PTPRG: variants seen among roughly 807,000 people sequenced by gnomAD.
PTPRG encodes the protein receptor-type tyrosine-protein phosphatase gamma.
Under a neutral mutation model 165.3 loss-of-function variants are expected in PTPRG, and 102 were observed. The observed-to-expected ratio is 0.62, with a 90% confidence interval of 0.53 to 0.73. PTPRG has a LOEUF of 0.73. Ranked by LOEUF, PTPRG falls within the 30% of genes least tolerant of loss-of-function variation. The pLI, the probability that PTPRG is intolerant of heterozygous loss-of-function variation, is 0.00. For synonymous variants in PTPRG, 675 were observed against 669.5 expected (o/e 1.01, Z -0.13); for missense variants, 1,866 against 1,861.4 (o/e 1.00, Z -0.05).
intron 4 of PTPRG, among the ~76,000 whole-genome samples, chr3:62,030,961 T>G (rs969815849): frequency 6.6e-6 from 1 of 152,226 alleles, no homozygotes; most frequent in Non-Finnish European, 1.5e-5. Context: ...TTTGTTGGTG[T>G]AAACCAATTG....
intron 2 of PTPRG, among the ~76,000 whole-genome samples, chr3:61,764,480 TGTA>T (rs1166508709): frequency 6.6e-6 from 1 of 152,118 alleles, no homozygotes; most frequent in African/African-American, 2.4e-5. Flanking sequence ...CAAAGTAACA[TGTA>T]GTATCATCAC....
At chr3:62,200,362 C>T (rs1700069157) in intron 10 of PTPRG, among the ~76,000 whole-genome samples, 1 of 152,100 alleles carries the variant, frequency 6.6e-6, no homozygotes, top group South Asian at 2.1e-4. Flanking sequence ...CCTCCACCTC[C>T]CGGATTCAAG....
At chr3:61,809,911 G>GT (rs1200831512) in intron 2 of PTPRG, among the ~76,000 whole-genome samples, 5 of 152,178 alleles carry the variant, frequency 3.3e-5, no homozygotes, top group African/African-American at 4.8e-5. Flanking sequence ...CCCAGCTCCT[G>GT]TATCAGGGAG....
chr3:62,136,441 G>A (rs1175562025), intron 6 of PTPRG, among the ~76,000 whole-genome samples: 5 of 152,206 alleles, frequency 3.3e-5, no homozygotes, highest in African/African-American at 1.2e-4. Flanking sequence ...GAAGGTGTCT[G>A]TTGGTAAGAG....
intron 2 of PTPRG, among the ~76,000 whole-genome samples, chr3:61,966,786 G>A (rs1050592211): frequency 1.3e-5 from 2 of 152,132 alleles, no homozygotes; most frequent in Admixed American, 6.5e-5. Flanking sequence ...GGGTAGAAGC[G>A]GATCTAGTTG....
intron 5 of PTPRG, among the ~76,000 whole-genome samples, chr3:62,094,802 A>C (rs1702054613): frequency 6.6e-6 from 1 of 152,084 alleles, no homozygotes; most frequent in South Asian, 2.1e-4. Flanking sequence ...AGGCTGATGG[A>C]CCCCTCAGCT....
intron 1 of PTPRG, among the ~76,000 whole-genome samples, chr3:61,718,247 A>G (rs988803702): frequency 2.0e-5 from 3 of 151,830 alleles, no homozygotes; most frequent in Admixed American, 1.3e-4. Context: ...TCAGAGAACC[A>G]AGACAGATTT....
chr3:61,935,765 A>G (rs2039471077), intron 2 of PTPRG, among the ~76,000 whole-genome samples: 1 of 150,936 alleles, frequency 6.6e-6, no homozygotes, highest in African/African-American at 2.4e-5. Flanking sequence ...TCATATATAT[A>G]AAGTATGTAT....
intron 6 of PTPRG, among the ~76,000 whole-genome samples, chr3:62,152,499 G>A (rs1704373978): frequency 6.6e-6 from 1 of 152,172 alleles, no homozygotes; most frequent in South Asian, 2.1e-4. Flanking sequence ...GCTTAAGCTG[G>A]CATCAGTGGA....
intron 2 of PTPRG, among the ~76,000 whole-genome samples, chr3:61,931,533 G>A (rs563696041): frequency 1.3e-5 from 2 of 152,138 alleles, no homozygotes; most frequent in Non-Finnish European, 2.9e-5. Context: ...GCTGGCGAGG[G>A]ACTGTGTGTC....
rs1165232876 is a variant in PTPRG at position 62,219,718 on chromosome 3, A to G, written c.2288+735A>G. On this transcript the variant is annotated intron_variant, in intron 13 of 29. Transcript: ENST00000474889. The surrounding 1 kb of genome is among the most constrained non-coding windows in gnomAD (Gnocchi z 4.5). ...GCTTCACCAGTGAGAAACAGGTGTCATATTTTCATCTCTCCCTCCCTTCTT... is the reference window on the plus strand; with the variant it reads ...GCTTCACCAGTGAGAAACAGGTGTCGTATTTTCATCTCTCCCTCCCTTCTT... Among the ~76,000 whole-genome samples, 4 of 152,210 alleles carry G rather than the reference A, an allele frequency of 2.6e-5. No individual in the cohort carries two copies. Among genetic ancestry groups the G allele is most frequent in the African/African-American group, 9.6e-5 (4 of 41,456 alleles).
At position 62,269,058 on chromosome 3, in the gene PTPRG, A is replaced by C. The variant is rs1312450207; in HGVS notation, c.2898A>C (p.Pro966=). The change falls in exon 20 of 30, where the codon CCA becomes CCC. Residue 966 remains proline, a synonymous_variant. Transcript: ENST00000474889. ...AGCGAAAATGTGATCAGTATTGGCCAACAGAGAACAGTGAGGAATATGGAA... is the reference window on the plus strand; with the variant it reads ...AGCGAAAATGTGATCAGTATTGGCCCACAGAGAACAGTGAGGAATATGGAA... ...KGRRKCDQYW[P]TENSEEYGNI... is the part of the protein sequence containing the mutation. 3.1e-6 allele frequency: 5 copies of C among 1,599,458 alleles called. No individual in the cohort carries two copies. The highest frequency in any genetic ancestry group is 3.4e-6 in the Non-Finnish European group (4 of 1,169,002).
chr3:61,635,787 A>G (rs1701893126), intron 1 of PTPRG, among the ~76,000 whole-genome samples: 1 of 152,120 alleles, frequency 6.6e-6, no homozygotes. Context: ...GTACTCTTGA[A>G]CATTTTCTAA....
rs1013771589 is a variant in PTPRG, at chr3:62,222,159, A to C, written c.2288+3176A>C. Among the ~76,000 whole-genome samples, 2 of 152,210 alleles carry C rather than the reference A, an allele frequency of 1.3e-5. No homozygotes were observed. The highest frequency in any genetic ancestry group is 4.8e-5 in the African/African-American group (2 of 41,458). On this transcript the variant is annotated intron_variant, in intron 13 of 29. Coordinates refer to ENST00000474889, the MANE Select transcript of PTPRG (RefSeq NM_002841.4). This position sits in a 1 kb window ranked among gnomAD's most constrained non-coding sequence, Gnocchi z 4.5. ...CTTTTGTTGTTCAGAACCCTTTTCT[A>C]TTGCAGTTGACAAAAATCCATTTCA...
At chr3:61,965,010 A>C (rs1575829772) in intron 2 of PTPRG, among the ~76,000 whole-genome samples, 1 of 152,174 alleles carries the variant, frequency 6.6e-6, no homozygotes, top group Non-Finnish European at 1.5e-5. Context: ...TGGGAGGCCA[A>C]GGTGGGCGGA....
In PTPRG at chr3:61,787,853, C is replaced by G. The variant is rs1161725366; in HGVS notation, c.190+38871C>G. On this transcript the variant is annotated intron_variant, in intron 2 of 29. Transcript: ENST00000474889. The stretch of plus-strand genomic sequence containing the variant: ...TGAACATGACGGCTTTAGTGATACC[C>G]CTCGTTACCCAGTGGAGTCCTGTTA... 4.7e-5 allele frequency among the ~76,000 whole-genome samples: 7 copies of G among 148,768 alleles called. No individual in the cohort carries two copies. In the Admixed American group the frequency reaches 4.9e-4, roughly 10 times the overall value.
At chr3:61,849,043 GC>G (rs1373308817) in intron 2 of PTPRG, among the ~76,000 whole-genome samples, 3 of 152,154 alleles carry the variant, frequency 2.0e-5, no homozygotes, top group Admixed American at 2.0e-4. Context: ...GTTTGTTCTT[GC>G]AGTCTTTGGA....
At chr3:61,984,480 A>G (rs1046406899) in intron 2 of PTPRG, among the ~76,000 whole-genome samples, 3 of 152,168 alleles carry the variant, frequency 2.0e-5, no homozygotes, top group Admixed American at 6.6e-5. Flanking sequence ...TCCCTCATCT[A>G]TCATGCCATA....
chr3:61,995,238 G>A lies in PTPRG; in HGVS notation c.370+5434G>A, dbSNP rs191370191. On this transcript the variant is annotated intron_variant, in intron 3 of 29. Coordinates refer to ENST00000474889, the MANE Select transcript of PTPRG (RefSeq NM_002841.4). ...CAAGTAGCTGGAATTACAGGTGCATGCCACCAAGCCAAGTTCATTTTTGTA... is the reference window on the plus strand; with the variant it reads ...CAAGTAGCTGGAATTACAGGTGCATACCACCAAGCCAAGTTCATTTTTGTA... Among the ~76,000 whole-genome samples the A allele has an allele frequency of 8.4e-4, 128 of 151,896 alleles. 2 individuals are homozygous for A. Among genetic ancestry groups the A allele is most frequent in the Non-Finnish European group, 2.4e-4 (16 of 67,926 alleles).
Sources: gnomAD v4.1 joint callset for allele counts (sites outside exome capture counted in the v4.1 genomes callset) on GRCh38, gnomAD v4.1.1 for gene constraint, Gnocchi (gnomAD v3.1) non-coding constraint, MANE v1.5 for transcripts, NCBI Gene and HGNC (gene_info 2026-07-23, HGNC 2026-07-21) for gene names.